The following PLOD2 variants were observed in gnomAD, a reference collection of about 807,000 sequenced individuals.
The protein encoded by PLOD2 is lysine hydroxylase 2.
PLOD2 carries 65 observed loss-of-function variants against 101.0 expected under a neutral mutation model. The ratio of observed to expected loss-of-function variants is 0.64; its 90% CI spans 0.53 to 0.79. The LOEUF is 0.79. PLOD2 is among the 30% of genes least tolerant of loss of function. The pLI is 0.00. For missense variants in PLOD2, 909 were observed against 914.6 expected, an observed-to-expected ratio of 0.99 and a Z score of 0.08; for synonymous variants, 314 against 302.9, an observed-to-expected ratio of 1.04 and a Z score of -0.38.
chr3:146,079,111 C>G lies in PLOD2; in HGVS notation c.1500+5G>C. 6.2e-7 allele frequency: 1 copy of G among 1,612,356 alleles called. No homozygotes were observed. Among genetic ancestry groups the G allele is most frequent in the South Asian group, 1.1e-5 (1 of 91,064 alleles). The stretch of plus-strand genomic sequence containing the variant: ...ATTCAAGCAAGCCATCACTGCATAT[C>G]TTACCATTTCTCTAGCATTTCGGCA... On this transcript the variant is annotated splice_donor_5th_base_variant and intron_variant, in intron 13 of 19. Coordinates refer to ENST00000282903, the MANE Select transcript of PLOD2 (RefSeq NM_182943.3).
chr3:146,148,663 C>T (rs80021979), intron 1 of PLOD2, among the ~76,000 whole-genome samples: 1 of 152,224 alleles, frequency 6.6e-6, no homozygotes, highest in Non-Finnish European at 1.5e-5. Context: ...CACAACTCTC[C>T]AATAATTCAA....
chr3:146,155,081 G>A (rs1354231174), intron 1 of PLOD2, among the ~76,000 whole-genome samples: 5 of 151,952 alleles, frequency 3.3e-5, no homozygotes, highest in Non-Finnish European at 7.4e-5. Flanking sequence ...TGACACAGTC[G>A]GGCAGTAATC....
chr3:146,140,759 T>C (rs1358651003), intron 1 of PLOD2, among the ~76,000 whole-genome samples: 4 of 152,098 alleles, frequency 2.6e-5, no homozygotes, highest in Non-Finnish European at 5.9e-5. Context: ...TCAAATGTGA[T>C]AATTAAGCAA....
chr3:146,080,932 CTGT>C (rs1936518486), intron 12 of PLOD2, among the ~76,000 whole-genome samples: 1 of 152,094 alleles, frequency 6.6e-6, no homozygotes, highest in South Asian at 2.1e-4. Flanking sequence ...TACCACTCAA[CTGT>C]TTGAACAGAA....
chr3:146,097,388 C>CGGA (rs1176155117), intron 7 of PLOD2, among the ~76,000 whole-genome samples: 7 of 132,728 alleles, frequency 5.3e-5, no homozygotes, highest in Non-Finnish European at 6.5e-5. Context: ...ATTGAGAAAT[C>CGGA]TGATGGTTGC....
chr3:146,090,651 C>T (rs1936941620), intron 8 of PLOD2, among the ~76,000 whole-genome samples: 1 of 151,708 alleles, frequency 6.6e-6, no homozygotes, highest in African/African-American at 2.4e-5. Context: ...GGCCAAAAAC[C>T]TTACTTTCAA....
rs1349318990 is a variant in PLOD2, at chr3:146,083,396, T to A, written c.1233-1533A>T. 2.0e-5 allele frequency among the ~76,000 whole-genome samples: 3 copies of A among 152,258 alleles called. No individual in the cohort carries two copies. The East Asian group carries it at 5.8e-4, about 29-fold the overall frequency. On this transcript the variant is annotated intron_variant, in intron 11 of 19. Transcript: ENST00000282903. ...CTACTCTTCAGTCCAATCTACTAAATCTTGCAACATTCCTGGCATATGTCA... is the reference window on the plus strand; with the variant it reads ...CTACTCTTCAGTCCAATCTACTAAAACTTGCAACATTCCTGGCATATGTCA...
intron 12 of PLOD2, among the ~76,000 whole-genome samples, chr3:146,079,698 T>C (rs1936465200): frequency 6.6e-6 from 1 of 152,000 alleles, no homozygotes; most frequent in Non-Finnish European, 1.5e-5. Flanking sequence ...TTCAGTAATT[T>C]CACATTGGAA....
chr3:146,074,699 T>C (rs1466033140), intron 15 of PLOD2, among the ~76,000 whole-genome samples: 1 of 127,846 alleles, frequency 7.8e-6, no homozygotes, highest in Admixed American at 8.0e-5. Flanking sequence ...TGATTTTTCT[T>C]CAAGTTAAAG....
rs774928765 is a variant in PLOD2 at position 146,077,874 on chromosome 3, G to C, written c.1551C>G (p.Leu517=). Residue 517 remains leucine, a synonymous_variant, in exon 14 of 20, where the codon CTC becomes CTG. Coordinates refer to ENST00000282903, the MANE Select transcript of PLOD2 (RefSeq NM_182943.3). ...DSPTPETFQM[L]SPPKGVFMYI... ...GTAAAAATAACACCTTTGGGGGGCT[G>C]AGCATTTGGAATGTTTCCGGAGTAG... The C allele has an allele frequency of 1.3e-6, 2 of 1,588,588 alleles. No homozygotes were observed. The highest frequency in any genetic ancestry group is 1.7e-5 in the Admixed American group (1 of 59,778).
chr3:146,115,528 TTTC>T (rs1364762747), intron 3 of PLOD2, among the ~76,000 whole-genome samples: 3 of 152,160 alleles, frequency 2.0e-5, no homozygotes, highest in Non-Finnish European at 4.4e-5. Flanking sequence ...CATGGAATCT[TTTC>T]CTTAATCCTA....
intron 15 of PLOD2, among the ~76,000 whole-genome samples, chr3:146,073,951 C>T (rs923192995): frequency 6.6e-6 from 1 of 151,466 alleles, no homozygotes; most frequent in African/African-American, 2.4e-5. Context: ...TTTCTGCCTT[C>T]ACTTCAGTTA....
chr3:146,086,911 G>T lies in PLOD2; in HGVS notation c.1006-3C>A. On this transcript the variant is annotated splice_region_variant and splice_polypyrimidine_tract_variant and intron_variant, in intron 9 of 19. Coordinates refer to ENST00000282903, the MANE Select transcript of PLOD2 (RefSeq NM_182943.3). ...ATGTCCTTTTCATGATAAACTTCCT[G>T]TAACATATTTTAAAAATCAAAAATT... is the stretch of plus-strand genomic sequence containing the variant. 1 of 1,485,410 alleles carries T rather than the reference G, an allele frequency of 6.7e-7. No individual in the cohort carries two copies. The highest frequency in any genetic ancestry group is 9.3e-7 in the Non-Finnish European group (1 of 1,077,800). The allele number at this position is 1,485,410 out of a possible 1,614,324, so 92.0% of individuals were successfully genotyped here. A position where few individuals can be genotyped will look rare whatever the true frequency, so the allele number is the denominator to read the frequency against.
chr3:146,091,965 T>C (rs1936989759), intron 7 of PLOD2, 64 bp from the exon 8 acceptor site: 1 of 809,402 alleles, frequency 1.2e-6, no homozygotes, highest in East Asian at 2.5e-5. Context: ...TTTCATTCTA[T>C]AATCATCTAA....
rs559289406 is a variant in PLOD2 at position 146,155,728 on chromosome 3, A to G, written c.109+5153T>C. 9.8e-4 allele frequency among the ~76,000 whole-genome samples: 148 copies of G among 151,766 alleles called. 1 individual carries two copies. The highest frequency in any genetic ancestry group is 1.7e-3 in the South Asian group (8 of 4,798). On this transcript the variant is annotated intron_variant, in intron 1 of 19. Transcript: ENST00000282903. ...AGACTCTGTCTCAAAAAAAAAAAAA[A>G]AAAAGAAAAAAGAAAGAAAATTAGT...
intron 1 of PLOD2, among the ~76,000 whole-genome samples, chr3:146,154,599 C>T (rs767300387): frequency 1.2e-4 from 19 of 152,014 alleles, no homozygotes; most frequent in Non-Finnish European, 2.2e-4. Flanking sequence ...AACTTTAAAC[C>T]TAATTTCTTA....
At chr3:146,091,012 A>G (rs1041588621) in intron 8 of PLOD2, among the ~76,000 whole-genome samples, 5 of 151,912 alleles carry the variant, frequency 3.3e-5, no homozygotes, top group Non-Finnish European at 5.9e-5. Flanking sequence ...GTTGTAAGAT[A>G]TCAGCTCTGG....
intron 1 of PLOD2, among the ~76,000 whole-genome samples, chr3:146,129,812 G>A (rs1259287493): frequency 6.6e-6 from 1 of 152,026 alleles, no homozygotes; most frequent in Non-Finnish European, 1.5e-5. Flanking sequence ...CTCTAGATAC[G>A]CCTTCTCAAA....
rs577283167 is a variant in PLOD2 at position 146,145,487 on chromosome 3, A to G, written c.109+15394T>C. On this transcript the variant is annotated intron_variant, in intron 1 of 19. Transcript: ENST00000282903. ...TCCAAATAATGTGAGGAAGATCAAC[A>G]TTCTAATTTGAATGCAAGATACTCC... is the stretch of plus-strand genomic sequence containing the variant. Among the ~76,000 whole-genome samples the G allele has an allele frequency of 3.0e-4, 45 of 152,184 alleles. 1 individual carries two copies. Among genetic ancestry groups the G allele is most frequent in the Non-Finnish European group, 5.7e-4 (39 of 67,994 alleles).
Sources: allele counts gnomAD v4.1 joint callset (sites outside exome capture counted in the v4.1 genomes callset), GRCh38; gene constraint gnomAD v4.1.1; transcripts MANE v1.5; gene names NCBI Gene and HGNC (gene_info 2026-07-23, HGNC 2026-07-21).